The following MACF1 variants were observed in gnomAD, a reference collection of about 807,000 sequenced individuals.
The protein encoded by MACF1 is microtubule-actin cross-linking factor 1.
MACF1 carries 193 observed loss-of-function variants against 854.8 expected under a neutral mutation model. That is an observed-to-expected ratio of 0.23 (90% CI 0.20 to 0.25). The LOEUF is 0.25. MACF1 is among the 10% of genes least tolerant of loss of function. MACF1 has a pLI of 1.00. For synonymous variants in MACF1, 3,185 were observed against 3,226.7 expected (o/e 0.99, Z 0.44); for missense variants, 7,722 against 8,929.1 (o/e 0.86, Z 5.45).
intron 23 of MACF1, among the ~76,000 whole-genome samples, chr1:39,307,994 T>C (rs1455318817): frequency 2.2e-5 from 3 of 135,306 alleles, no homozygotes; most frequent in African/African-American, 8.3e-5. Context: ...AAGCTCTGCC[T>C]CCTGGGTTCA....
rs530204751 is a variant in MACF1, at chr1:39,360,881, T to C, written c.12333T>C (p.Ser4111=). 62 of 1,613,836 alleles carry C rather than the reference T, an allele frequency of 3.8e-5. 1 individual carries two copies. In the East Asian group the frequency reaches 1.3e-3, roughly 34 times the overall value. Residue 4111 remains serine (S), a synonymous_variant, in exon 48 of 101, where the codon AGT becomes AGC. Coordinates refer to ENST00000564288, the MANE Select transcript of MACF1 (RefSeq NM_001394062.1). ...LLQKAIAQSQ[S]VQESLESLLQ... ...AGAAAGCAATTGCCCAATCTCAGAGTGTCCAGGAAAGCCTGGAGAGCCTGT... is the reference window on the plus strand; with the variant it reads ...AGAAAGCAATTGCCCAATCTCAGAGCGTCCAGGAAAGCCTGGAGAGCCTGT...
chr1:39,197,238 AAT>A (rs1234544579), intron 2 of MACF1, among the ~76,000 whole-genome samples: 2 of 151,534 alleles, frequency 1.3e-5, no homozygotes, highest in East Asian at 3.8e-4. Context: ...TATAAATATA[AAT>A]ATATACACAC....
chr1:39,103,181 G>A (rs923887197), intron 2 of MACF1: 9 of 378,512 alleles, frequency 2.4e-5, no homozygotes, highest in Middle Eastern at 8.7e-4. Context: ...TCCCTGCAAC[G>A]CCCCCAGGTC....
At chr1:39,234,216 G>T (rs1449659566) in intron 2 of MACF1, among the ~76,000 whole-genome samples, 1 of 151,976 alleles carries the variant, frequency 6.6e-6, no homozygotes, top group South Asian at 2.1e-4. Context: ...GCAACCATCC[G>T]ATTTCTCAAT....
chr1:39,285,509 T>G, intron 13 of MACF1, 95 bp from the exon 14 acceptor site: 1 of 1,520,612 alleles, frequency 6.6e-7, no homozygotes. Context: ...CCTTTTTTTT[T>G]TTTTTTGGAA....
At chr1:39,352,436 C>T (rs1647214025) in intron 43 of MACF1, among the ~76,000 whole-genome samples, 3 of 152,224 alleles carry the variant, frequency 2.0e-5, no homozygotes, top group African/African-American at 7.2e-5. Context: ...CAGTCCGGCA[C>T]TTCTGTGTAC....
In MACF1 at chr1:39,296,801, GAAAAGAAAGA is replaced by G. The variant is rs1413580742; in HGVS notation, c.2356-816_2356-807del. 2.9e-3 allele frequency among the ~76,000 whole-genome samples: 93 copies of G among 31,878 alleles called. 1 individual carries two copies. The highest frequency in any genetic ancestry group is 3.9e-3 in the African/African-American group (44 of 11,320). The allele number at this position is 31,878 out of a possible 152,430, so 20.9% of individuals were successfully genotyped here. On this transcript the variant is annotated intron_variant, in intron 20 of 100. Coordinates refer to ENST00000564288, the MANE Select transcript of MACF1 (RefSeq NM_001394062.1). ...GAAAGAAAGAAAGAAAGGAAGGAAGGAAAAGAAAGAAAGGAAGGAAGGAAGGAAGGAAGGA... is the reference window on the plus strand; with the variant it reads ...GAAAGAAAGAAAGAAAGGAAGGAAGGAAGGAAGGAAGGAAGGAAGGAAGGA...
intron 2 of MACF1, among the ~76,000 whole-genome samples, chr1:39,152,798 C>G (rs1444905734): frequency 6.6e-6 from 1 of 151,726 alleles, no homozygotes; most frequent in African/African-American, 2.4e-5. Flanking sequence ...TTCCTCTACT[C>G]AAAAGCAACA....
intron 80 of MACF1, among the ~76,000 whole-genome samples, chr1:39,446,086 T>C (rs1246628455): frequency 6.6e-6 from 1 of 152,244 alleles, no homozygotes; most frequent in Non-Finnish European, 1.5e-5. Flanking sequence ...GTTTTCTTAA[T>C]AGTTGAGCAA....
intron 2 of MACF1, among the ~76,000 whole-genome samples, chr1:39,185,286 C>T (rs144586827): frequency 0.039 from 4,449 of 113,792 alleles, 223 homozygotes; most frequent in African/African-American, 0.14. Context: ...AGCGAGACTC[C>T]GTCTCAAAAA....
At chr1:39,212,057 G>A (rs1227073097) in intron 1 of MACF1, among the ~76,000 whole-genome samples, 1 of 151,732 alleles carries the variant, frequency 6.6e-6, no homozygotes, top group East Asian at 1.9e-4. Flanking sequence ...CTTTGTTTCT[G>A]TAAGAAAGCC....
At chr1:39,232,286 T>C (rs1644787163) in intron 2 of MACF1, among the ~76,000 whole-genome samples, 1 of 151,894 alleles carries the variant, frequency 6.6e-6, no homozygotes, top group African/African-American at 2.4e-5. Context: ...AGTGCTTCTC[T>C]GGGAAAGGGA....
chr1:39,242,088 C>T (rs899106750), intron 2 of MACF1, among the ~76,000 whole-genome samples: 7 of 152,206 alleles, frequency 4.6e-5, no homozygotes, highest in Non-Finnish European at 8.8e-5. Context: ...GTGCTCACGC[C>T]TGTAATCCCA....
chr1:39,412,409 G>T (rs201734236), intron 58 of MACF1: 1 of 1,614,056 alleles, frequency 6.2e-7, no homozygotes, highest in South Asian at 1.1e-5. Context: ...GAGAAAGTTT[G>T]TGATGAGGAT....
chr1:39,190,572 T>C (rs1482299369), intron 2 of MACF1, among the ~76,000 whole-genome samples: 1 of 151,710 alleles, frequency 6.6e-6, no homozygotes, highest in African/African-American at 2.4e-5. Context: ...ACTCCTGGGC[T>C]CAAGAAATCT....
At chr1:39,130,098 T>C (rs1424010602) in intron 2 of MACF1, among the ~76,000 whole-genome samples, 1 of 152,210 alleles carries the variant, frequency 6.6e-6, no homozygotes, top group African/African-American at 2.4e-5. Context: ...CAAAGTCTTG[T>C]GTTGAAATGT....
intron 1 of MACF1, among the ~76,000 whole-genome samples, chr1:39,220,946 A>G (rs540662362): frequency 6.6e-6 from 1 of 152,314 alleles, no homozygotes; most frequent in South Asian, 2.1e-4. Context: ...AAGGTGGCTG[A>G]CATGTCCGGA....
intron 2 of MACF1, among the ~76,000 whole-genome samples, chr1:39,153,093 G>A (rs530585599): frequency 2.7e-4 from 41 of 152,300 alleles, no homozygotes; most frequent in Admixed American, 1.8e-3. Context: ...GTAGGAAGCT[G>A]TTGACCTGAC....
Position 39,372,357 on chromosome 1 carries a change from A to G in MACF1, c.13096-122A>G, listed in dbSNP as rs370925269. ...ATAGATATTTGATAAATGAATAAAT[A>G]AATCAGAAGGATGGTCTCTTAATGC... On this transcript the variant is annotated intron_variant, in intron 51 of 100. Coordinates refer to ENST00000564288, the MANE Select transcript of MACF1 (RefSeq NM_001394062.1). 375 of 609,712 alleles carry G rather than the reference A, an allele frequency of 6.2e-4. 3 individuals carry two copies. Among genetic ancestry groups the G allele is most frequent in the African/African-American group, 6.1e-3 (324 of 53,166 alleles). The allele number at this position is 609,712 out of a possible 1,614,324, so 37.8% of individuals were successfully genotyped here.
Sources: gnomAD v4.1 joint callset for allele counts (sites outside exome capture counted in the v4.1 genomes callset) on GRCh38, gnomAD v4.1.1 for gene constraint, MANE v1.5 for transcripts, NCBI Gene and HGNC (gene_info 2026-07-23, HGNC 2026-07-21) for gene names.